CYTH1: variants seen among roughly 807,000 people sequenced by gnomAD.
CYTH1 encodes the protein cytohesin 1.
A neutral mutation model predicts 61.8 loss-of-function variants in CYTH1; 18 were observed. The ratio of observed to expected loss-of-function variants is 0.29; its 90% confidence interval spans 0.20 to 0.43. The LOEUF is 0.43. CYTH1 is among the 20% of genes least tolerant of loss of function. CYTH1 has a pLI of 1.00. For synonymous variants in CYTH1, 174 were observed against 184.3 expected (o/e 0.94, Z 0.45); for missense variants, 336 against 510.5 (o/e 0.66, Z 3.29).
intron 8 of CYTH1, 130 bp downstream of exon 8, chr17:78,698,690 A>T: frequency 8.6e-7 from 1 of 1,157,072 alleles, no homozygotes; most frequent in Non-Finnish European, 1.2e-6. Context: ...AATGAAATTC[A>T]CATGGTTAAA....
chr17:78,732,456 T>C (rs1212585338), intron 1 of CYTH1, among the ~76,000 whole-genome samples: 1 of 152,198 alleles, frequency 6.6e-6, no homozygotes, highest in Non-Finnish European at 1.5e-5. Context: ...GTTCTAATCC[T>C]CTGTGTAATA....
At chr17:78,711,515 ATC>A (rs1310697093) in intron 1 of CYTH1, among the ~76,000 whole-genome samples, 1 of 152,098 alleles carries the variant, frequency 6.6e-6, no homozygotes, top group African/African-American at 2.4e-5. Flanking sequence ...TGGAATTAAC[ATC>A]TCTGCTTGAG....
intron 10 of CYTH1, among the ~76,000 whole-genome samples, chr17:78,694,244 A>T (rs2092916828): frequency 6.6e-6 from 1 of 152,218 alleles, no homozygotes; most frequent in Non-Finnish European, 1.5e-5. Flanking sequence ...ATTAATTGCC[A>T]AGATTCCAAA....
chr17:78,678,581 T>C (rs1002733770), intron 13 of CYTH1: 2 of 152,020 alleles, frequency 1.3e-5, no homozygotes. Flanking sequence ...TTTTTTTCAG[T>C]ATGTTAAAAA....
intron 1 of CYTH1, among the ~76,000 whole-genome samples, chr17:78,719,461 G>A (rs1039041633): frequency 6.6e-6 from 1 of 152,286 alleles, no homozygotes; most frequent in South Asian, 2.1e-4. Flanking sequence ...CAAAGATAAA[G>A]TTCTTACAGA....
intron 1 of CYTH1, among the ~76,000 whole-genome samples, chr17:78,731,018 C>T (rs1329537903): frequency 1.3e-5 from 2 of 152,138 alleles, no homozygotes; most frequent in African/African-American, 4.8e-5. Context: ...CCTCACACAC[C>T]AGCTGATCTA....
chr17:78,732,811 G>A (rs944984689), intron 1 of CYTH1, among the ~76,000 whole-genome samples: 7 of 151,936 alleles, frequency 4.6e-5, no homozygotes, highest in South Asian at 4.1e-4. Context: ...GATAACCACC[G>A]GGCGCGGTGG....
intron 1 of CYTH1, among the ~76,000 whole-genome samples, chr17:78,726,803 G>A (rs1484321956): frequency 1.3e-5 from 2 of 152,176 alleles, no homozygotes; most frequent in African/African-American, 4.8e-5. Context: ...CAGGCGCCAT[G>A]AGAAAGAAAA....
chr17:78,727,924 C>A (rs2093274981), intron 1 of CYTH1: 1 of 326,646 alleles, frequency 3.1e-6, no homozygotes. Context: ...CCTTTGAGAT[C>A]CAGGGCAGCA....
In CYTH1 at chr17:78,782,255, G is replaced by A. The variant is rs1279489458; in HGVS notation, c.-32C>T. Reference sequence around the variant, plus strand: ...GGAGCCGGGCTCCGCGCTCCGGCTCGCCGCTCGCGTCCCGCCGCGCCACCC... The same window carrying A: ...GGAGCCGGGCTCCGCGCTCCGGCTCACCGCTCGCGTCCCGCCGCGCCACCC... On this transcript the variant is annotated 5_prime_UTR_variant, in exon 1 of 14. Transcript: ENST00000446868. 2.4e-6 allele frequency: 3 copies of A among 1,261,290 alleles called. No homozygotes were observed. The highest frequency in any genetic ancestry group is 2.0e-6 in the Non-Finnish European group (2 of 989,378). 78.1% of individuals were successfully genotyped at this position (1,261,290 alleles called of 1,614,324 possible). A position where few individuals can be genotyped will look rare whatever the true frequency, so the allele number is the denominator to read the frequency against.
intron 1 of CYTH1, chr17:78,727,591 C>T: frequency 2.2e-6 from 1 of 444,708 alleles, no homozygotes; most frequent in South Asian, 1.6e-5. Context: ...TAAGAAGGAG[C>T]TGACTAGGGC....
chr17:78,754,114 G>A (rs1242120981), intron 1 of CYTH1, among the ~76,000 whole-genome samples: 2 of 152,086 alleles, frequency 1.3e-5, no homozygotes, highest in Non-Finnish European at 2.9e-5. Flanking sequence ...CAGGACCGTC[G>A]TGGACAAAGC....
In CYTH1 at chr17:78,760,382, T is replaced by TACAC. The variant is rs1273827734; in HGVS notation, c.22+21819_22+21820insGTGT. ...ATATATATATATATATATATATATA[T>TACAC]ATACACACACATACATATATATATG... is the stretch of plus-strand genomic sequence containing the variant. On this transcript the variant is annotated intron_variant, in intron 1 of 13. Coordinates refer to ENST00000446868, the MANE Select transcript of CYTH1 (RefSeq NM_004762.6). 4.4e-4 allele frequency among the ~76,000 whole-genome samples: 23 copies of TACAC among 51,702 alleles called. 5 individuals carry two copies. Among genetic ancestry groups the TACAC allele is most frequent in the Non-Finnish European group, 7.8e-4 (21 of 27,026 alleles). 33.9% of individuals were successfully genotyped at this position (51,702 alleles called of 152,430 possible). A position where few individuals can be genotyped will look rare whatever the true frequency, so the allele number is the denominator to read the frequency against.
At chr17:78,708,755 C>T (rs918386563) in intron 2 of CYTH1, among the ~76,000 whole-genome samples, 1 of 152,282 alleles carries the variant, frequency 6.6e-6, no homozygotes, top group Non-Finnish European at 1.5e-5. Context: ...CGCACCCACC[C>T]TCCTCATTCC....
intron 1 of CYTH1, among the ~76,000 whole-genome samples, chr17:78,729,687 T>A (rs1163682302): frequency 2.0e-5 from 3 of 152,200 alleles, no homozygotes; most frequent in African/African-American, 7.2e-5. Flanking sequence ...AATTTTAAAC[T>A]ACCTAAAAAC....
intron 1 of CYTH1, among the ~76,000 whole-genome samples, chr17:78,748,224 C>G (rs2093366632): frequency 6.6e-6 from 1 of 152,174 alleles, no homozygotes; most frequent in Non-Finnish European, 1.5e-5. Context: ...ATTCTGAGAG[C>G]TACGAGTCCT....
chr17:78,698,115 G>C (rs1038729043), intron 9 of CYTH1, among the ~76,000 whole-genome samples, 154 bp downstream of exon 9: 1 of 152,194 alleles, frequency 6.6e-6, no homozygotes, highest in African/African-American at 2.4e-5. Flanking sequence ...ATGAATGTGT[G>C]TGAACATGCA....
At chr17:78,724,945 C>T (rs112358689) in intron 1 of CYTH1, among the ~76,000 whole-genome samples, 527 of 152,294 alleles carry the variant, frequency 3.5e-3, no homozygotes, top group Middle Eastern at 0.017. Context: ...GAGAGTAGTA[C>T]TTATTTAAAA....
At chr17:78,684,246 G>C (rs1158458186) in intron 11 of CYTH1, among the ~76,000 whole-genome samples, 2 of 152,222 alleles carry the variant, frequency 1.3e-5, no homozygotes, top group Non-Finnish European at 2.9e-5. Flanking sequence ...GAATTGGCTT[G>C]AGTGAGCCAG....
Sources: gnomAD v4.1 joint callset for allele counts (sites outside exome capture counted in the v4.1 genomes callset) on GRCh38, gnomAD v4.1.1 for gene constraint, MANE v1.5 for transcripts, NCBI Gene and HGNC (gene_info 2026-07-23, HGNC 2026-07-21) for gene names.